Variants in PIK3C2G observed in about 807,000 individuals in gnomAD.
PIK3C2G encodes phosphatidylinositol 3-kinase C2 domain-containing subunit gamma.
Under a neutral mutation model 181.1 loss-of-function variants are expected in PIK3C2G, and 168 were observed. The observed-to-expected ratio is 0.93, with a 90% CI of 0.82 to 1.05. PIK3C2G has a LOEUF of 1.05. Ranked by LOEUF, PIK3C2G falls within the 50% of genes least tolerant of loss-of-function variation. PIK3C2G has a pLI of 0.00. For missense variants in PIK3C2G, 1,869 were observed against 1,732.8 expected, an observed-to-expected ratio of 1.08 and a Z score of -1.40; for synonymous variants, 573 against 592.2, an observed-to-expected ratio of 0.97 and a Z score of 0.47.
At chr12:18,380,444 A>G (rs1942762800) in intron 13 of PIK3C2G, among the ~76,000 whole-genome samples, 1 of 152,060 alleles carries the variant, frequency 6.6e-6, no homozygotes, top group African/African-American at 2.4e-5. Context: ...CTAATCCAAA[A>G]CTTTTCTCAG....
At chr12:18,425,715 T>C (rs1319645692) in intron 18 of PIK3C2G, among the ~76,000 whole-genome samples, 1 of 152,186 alleles carries the variant, frequency 6.6e-6, no homozygotes, top group East Asian at 1.9e-4. Flanking sequence ...TAAAATATTT[T>C]ATACTTAAAA....
At chr12:18,418,230 T>C (rs2135684218) in intron 16 of PIK3C2G, among the ~76,000 whole-genome samples, 1 of 152,278 alleles carries the variant, frequency 6.6e-6, no homozygotes, top group Non-Finnish European at 1.5e-5. Flanking sequence ...GTCAATATCC[T>C]TGGCTTTCAG....
chr12:18,643,563 G>C (rs571182922), intron 32 of PIK3C2G, among the ~76,000 whole-genome samples: 1 of 151,588 alleles, frequency 6.6e-6, no homozygotes, highest in Non-Finnish European at 1.5e-5. Context: ...TTCATTCTAT[G>C]CCTGTATCAA....
intron 29 of PIK3C2G, among the ~76,000 whole-genome samples, chr12:18,575,170 G>A (rs1044418104): frequency 3.3e-5 from 5 of 152,236 alleles, no homozygotes; most frequent in African/African-American, 9.6e-5. Flanking sequence ...AGCAAGAAGA[G>A]GTGAAGCTTT....
intron 18 of PIK3C2G, among the ~76,000 whole-genome samples, chr12:18,478,583 G>A (rs1939234884): frequency 6.6e-6 from 1 of 152,154 alleles, no homozygotes; most frequent in South Asian, 2.1e-4. Flanking sequence ...AGTGAGTCAG[G>A]TGTATGATTT....
intron 18 of PIK3C2G, among the ~76,000 whole-genome samples, chr12:18,466,362 GGA>G (rs1937882183): frequency 6.8e-6 from 1 of 147,734 alleles, no homozygotes; most frequent in Non-Finnish European, 1.5e-5. Flanking sequence ...AGAGCAAACT[GGA>G]ATAATGTTCT....
the PIK3C2G span, chr12:18,692,769 CAA>C: frequency 7.5e-7 from 1 of 1,339,776 alleles, no homozygotes. Flanking sequence ...CAAGATGGGT[CAA>C]AGTCAGAGTG....
At chr12:18,378,632 A>C (rs1942622592) in intron 13 of PIK3C2G, among the ~76,000 whole-genome samples, 1 of 152,246 alleles carries the variant, frequency 6.6e-6, no homozygotes, top group Admixed American at 6.5e-5. Context: ...ACAAAGGGCT[A>C]ATATCCAGAA....
chr12:18,409,105 T>C (rs564882192), intron 16 of PIK3C2G, among the ~76,000 whole-genome samples: 1 of 152,314 alleles, frequency 6.6e-6, no homozygotes, highest in South Asian at 2.1e-4. Context: ...CATGTATGTT[T>C]ATTGCAGCAC....
rs550944502 is a variant in PIK3C2G, at chr12:18,408,782, C to A, written c.2315+8935C>A. 2.6e-5 allele frequency among the ~76,000 whole-genome samples: 4 copies of A among 152,086 alleles called. No individual in the cohort carries two copies. In the South Asian group the frequency reaches 8.3e-4, roughly 32 times the overall value. On this transcript the variant is annotated intron_variant, in intron 16 of 32. Coordinates refer to ENST00000538779, the MANE Select transcript of PIK3C2G (RefSeq NM_001288772.2). ...CAAAAGAAGACATTTATTCAGCCAA[C>A]AAACATATGAAAAAAAGCTTATCAT...
the PIK3C2G span, among the ~76,000 whole-genome samples, chr12:18,704,138 C>A: frequency 6.6e-6 from 1 of 151,934 alleles, no homozygotes; most frequent in Non-Finnish European, 1.5e-5. Context: ...TGGAGGTCGA[C>A]AGTATTGAAT....
At chr12:18,702,219 G>C in the PIK3C2G span, among the ~76,000 whole-genome samples, 1 of 151,568 alleles carries the variant, frequency 6.6e-6, no homozygotes, top group African/African-American at 2.4e-5. Context: ...TAAGTGTCTG[G>C]CATCTAGTAT....
intron 7 of PIK3C2G, among the ~76,000 whole-genome samples, chr12:18,321,936 T>A (rs985591097): frequency 1.3e-5 from 2 of 152,088 alleles, no homozygotes; most frequent in Admixed American, 1.3e-4. Context: ...CTGGGGCCCA[T>A]CAGAGTTGGG....
chr12:18,449,969 C>T (rs905885941), intron 18 of PIK3C2G, among the ~76,000 whole-genome samples: 9 of 152,250 alleles, frequency 5.9e-5, no homozygotes, highest in African/African-American at 1.7e-4. Context: ...TTTTAATGAT[C>T]GCCATTCTGA....
chr12:18,537,021 C>G (rs754389894), intron 24 of PIK3C2G, among the ~76,000 whole-genome samples: 2 of 151,824 alleles, frequency 1.3e-5, no homozygotes, highest in African/African-American at 4.8e-5. Flanking sequence ...CCAAAAAACT[C>G]GAGTGTTTGT....
chr12:18,527,865 C>A (rs1210588835), intron 24 of PIK3C2G, among the ~76,000 whole-genome samples: 4 of 151,994 alleles, frequency 2.6e-5, no homozygotes, highest in Non-Finnish European at 5.9e-5. Flanking sequence ...CTGAGAGGAA[C>A]CAGAGTTAGT....
At chr12:18,571,095 T>C (rs1945912194) in intron 29 of PIK3C2G, among the ~76,000 whole-genome samples, 1 of 150,930 alleles carries the variant, frequency 6.6e-6, no homozygotes, top group Non-Finnish European at 1.5e-5. Context: ...AAATTTGATA[T>C]ACAATACCAT....
chr12:18,636,105 A>G (rs1003322009), intron 31 of PIK3C2G, among the ~76,000 whole-genome samples: 9 of 152,224 alleles, frequency 5.9e-5, no homozygotes, highest in Non-Finnish European at 1.2e-4. Context: ...GTGTGTTACC[A>G]TATGAACTAA....
the PIK3C2G span, among the ~76,000 whole-genome samples, chr12:18,689,829 C>T: frequency 2.0e-5 from 3 of 152,158 alleles, no homozygotes; most frequent in Admixed American, 6.6e-5. Context: ...CTTAAGAAAG[C>T]TTATAGTAAA....
Sources: gnomAD v4.1 joint callset for allele counts (sites outside exome capture counted in the v4.1 genomes callset) on GRCh38, gnomAD v4.1.1 for gene constraint, MANE v1.5 for transcripts, NCBI Gene and HGNC (gene_info 2026-07-23, HGNC 2026-07-21) for gene names.